The following DMD variants were observed in gnomAD, a reference collection of about 807,000 sequenced individuals.
DMD encodes the protein mutant dystrophin.
DMD carries 63 observed loss-of-function variants against 330.1 expected under a neutral mutation model. That is an observed-to-expected ratio of 0.19 (90% CI 0.16 to 0.24). The LOEUF (loss-of-function observed/expected upper bound fraction) is 0.24, where lower values mean the gene tolerates loss of function less well. Among genes scored for constraint, DMD ranks in the 10% least tolerant of loss-of-function variants. The pLI, the probability that DMD is intolerant of heterozygous loss-of-function variation, is 1.00. For synonymous variants in DMD, 1,223 were observed against 959.8 expected (o/e 1.27, Z -5.07); for missense variants, 3,344 against 2,684.1 (o/e 1.25, Z -5.43).
At chrX:32,622,139 C>G (rs1033435939) in intron 11 of DMD, among the ~76,000 whole-genome samples, 1 of 111,504 alleles carries the variant, frequency 9.0e-6, no homozygotes, top group Non-Finnish European at 1.9e-5. Flanking sequence ...TTTACATTCT[C>G]TTCCTGACTT....
rs561791176 is a variant in DMD, at chrX:31,839,964, T to C, written c.7099-3145A>G. Among the ~76,000 whole-genome samples the C allele has an allele frequency of 8.1e-4, 90 of 111,616 alleles. 1 individual carries two copies. Among genetic ancestry groups the C allele is most frequent in the Non-Finnish European group, 8.7e-4 (46 of 53,042 alleles). On this transcript the variant is annotated intron_variant, in intron 48 of 78. Transcript: ENST00000357033. The stretch of plus-strand genomic sequence containing the variant: ...TATTTCCTATACAAATCTAAAAACT[T>C]CTATGAGTATTAAAACCTGTGATGT...
intron 34 of DMD, 93 bp downstream of exon 34, chrX:32,380,417 T>A: frequency 1.3e-6 from 1 of 790,454 alleles, no homozygotes; most frequent in Admixed American, 2.4e-5. Flanking sequence ...ATATTTATAA[T>A]GCTATTATTG....
intron 1 of DMD, among the ~76,000 whole-genome samples, chrX:33,233,025 T>C (rs2052415695): frequency 9.0e-6 from 1 of 111,250 alleles, no homozygotes; most frequent in African/African-American, 3.3e-5. Flanking sequence ...TACATGATGG[T>C]GACTATAATA....
At chrX:33,240,545 A>G (rs937073268) in intron 1 of DMD, among the ~76,000 whole-genome samples, 7 of 112,009 alleles carry the variant, frequency 6.2e-5, no homozygotes, top group African/African-American at 2.3e-4. Flanking sequence ...ATATCTCTTC[A>G]ACGTGTTGAT....
chrX:31,658,125 C>T lies in DMD; in HGVS notation c.7892G>A (p.Arg2631His), dbSNP rs748007790. ...CACATCTACATTTGTCTGCCACTGG[C>T]GGAGGTCTTTGGCCAACTGCTATAG... ...TETKQLAKDL[R>H]QWQTNVDVAN... The change falls in exon 54 of 79, where the codon CGC becomes CAC. Residue 2631 changes from arginine (R) to histidine (H), a missense_variant. Coordinates refer to ENST00000357033, the MANE Select transcript of DMD (RefSeq NM_004006.3). 1.1e-5 allele frequency: 13 copies of T among 1,209,876 alleles called. No individual in the cohort carries two copies. Among genetic ancestry groups the T allele is most frequent in the Middle Eastern group, 2.3e-4 (1 of 4,374 alleles).
At chrX:32,478,460 G>A (rs1279575789) in intron 21 of DMD, among the ~76,000 whole-genome samples, 1 of 111,606 alleles carries the variant, frequency 9.0e-6, no homozygotes, top group East Asian at 2.8e-4. Context: ...ACAAAAGTAA[G>A]CATTTCTCTA....
At chrX:31,822,653 G>GGTGTGTGTGTGT (rs1556919105) in intron 49 of DMD, among the ~76,000 whole-genome samples, 4,848 of 65,585 alleles carry the variant, frequency 0.074, 287 homozygotes, top group Non-Finnish European at 0.087. Flanking sequence ...AAGGCAGAGG[G>GGTGTGTGTGTGT]GTGTGTGTGT....
At chrX:31,230,188 T>C (rs772168543) in intron 63 of DMD, among the ~76,000 whole-genome samples, 3 of 112,133 alleles carry the variant, frequency 2.7e-5, no homozygotes, top group South Asian at 3.7e-4. Context: ...TTTACTTAAA[T>C]GGGGGAAAAA....
chrX:32,156,382 AAAAT>A (rs2096830489), intron 44 of DMD, among the ~76,000 whole-genome samples: 2 of 112,605 alleles, frequency 1.8e-5, no homozygotes, highest in Admixed American at 9.4e-5. Flanking sequence ...TCGTCTCAAA[AAAAT>A]AAATAAATTT....
chrX:31,318,245 C>T (rs183478825), intron 62 of DMD, among the ~76,000 whole-genome samples: 2 of 111,828 alleles, frequency 1.8e-5, no homozygotes, highest in South Asian at 7.5e-4. Flanking sequence ...GACCAAGATC[C>T]GTGAGTTCAA....
At chrX:33,010,118 A>ATG (rs1409757787) in intron 2 of DMD, among the ~76,000 whole-genome samples, 3 of 103,065 alleles carry the variant, frequency 2.9e-5, no homozygotes, top group Admixed American at 2.1e-4. Context: ...ATATGTGCAC[A>ATG]TGTGTGTATA....
intron 11 of DMD, among the ~76,000 whole-genome samples, chrX:32,626,867 C>A (rs184174784): frequency 0.062 from 6,470 of 104,554 alleles, 757 homozygotes; most frequent in African/African-American, 0.15. Context: ...GGTTAAAAAA[C>A]AGAAAGTTAT....
rs770845480 is a variant in DMD at position 32,346,023 on chromosome X, G to C, written c.5506C>G (p.Gln1836Glu). The C allele has an allele frequency of 2.5e-6, 3 of 1,208,515 alleles. No individual in the cohort carries two copies. Among genetic ancestry groups the C allele is most frequent in the Admixed American group, 4.4e-5 (2 of 45,790 alleles). Residue 1836 changes from glutamine to glutamate, a missense_variant, in exon 39 of 79, where the codon CAA (glutamine) becomes GAA (glutamate). Transcript: ENST00000357033. ...ELLQRGDNLQ[Q>E]RITDERKREE... ...CGCTTTCTCTCATCTGTGATTCTTT[G>C]TTGTAAGTTGTCTCCTCTTTGCAAC...
In DMD at chrX:32,050,974, C is replaced by CTTTTTTTTTTTTTTTT. The variant is rs761835866; in HGVS notation, c.6439-82461_6439-82460insAAAAAAAAAAAAAAAA. Among the ~76,000 whole-genome samples the CTTTTTTTTTTTTTTTT allele has an allele frequency of 2.2e-3, 170 of 78,063 alleles. 5 individuals are homozygous for CTTTTTTTTTTTTTTTT. The highest frequency in any genetic ancestry group is 2.6e-3 in the Non-Finnish European group (113 of 42,687). The allele number at this position is 78,063 out of a possible 115,157, so 67.8% of individuals were successfully genotyped here. On this transcript the variant is annotated intron_variant, in intron 44 of 78. Transcript: ENST00000357033. ...TTACATTGCCTCAGGCTAACTTCCTCTTTTTTTTTTTTTCCCCCTAATAGA... is the reference window on the plus strand; with the variant it reads ...TTACATTGCCTCAGGCTAACTTCCTCTTTTTTTTTTTTTTTTTTTTTTTTTTTTTCCCCCTAATAGA...
intron 7 of DMD, among the ~76,000 whole-genome samples, chrX:32,717,799 T>A (rs2065883486): frequency 1.8e-5 from 2 of 111,679 alleles, no homozygotes; most frequent in African/African-American, 6.5e-5. Flanking sequence ...GCCCAAGGCC[T>A]TGGGAGCCTG....
chrX:31,967,302 GTGTGTGT>G (rs2095359412), intron 45 of DMD, among the ~76,000 whole-genome samples: 3 of 22,562 alleles, frequency 1.3e-4, no homozygotes, highest in Non-Finnish European at 2.1e-4. Flanking sequence ...CAAGGGGTGT[GTGTGTGT>G]GTGTGTGTGT....
chrX:32,032,753 A>G (rs1286383146), intron 44 of DMD, among the ~76,000 whole-genome samples: 2 of 112,253 alleles, frequency 1.8e-5, no homozygotes, highest in Non-Finnish European at 3.8e-5. Context: ...CCCCGCTCCC[A>G]TGATCTGGCA....
chrX:33,117,328 T>C (rs1448250092), intron 1 of DMD, among the ~76,000 whole-genome samples: 1 of 110,827 alleles, frequency 9.0e-6, no homozygotes, highest in Non-Finnish European at 1.9e-5. Context: ...ACTCTATTGT[T>C]ACTTGAAATT....
At chrX:33,053,647 G>A (rs2094485839) in intron 1 of DMD, among the ~76,000 whole-genome samples, 1 of 111,258 alleles carries the variant, frequency 9.0e-6, no homozygotes, top group East Asian at 2.8e-4. Context: ...TAGTTACTGT[G>A]GGATGTTGAG....
Sources: gnomAD v4.1 joint callset for allele counts (sites outside exome capture counted in the v4.1 genomes callset) on GRCh38, gnomAD v4.1.1 for gene constraint, MANE v1.5 for transcripts, NCBI Gene and HGNC (gene_info 2026-07-23, HGNC 2026-07-21) for gene names.